ANKS1B: variants seen among roughly 807,000 people sequenced by gnomAD.
ANKS1B encodes ankyrin repeat and sterile alpha motif domain containing 1B.
Under a neutral mutation model 148.3 loss-of-function variants are expected in ANKS1B, and 36 were observed. That is an observed-to-expected ratio of 0.24 (90% CI 0.19 to 0.32). The LOEUF (loss-of-function observed/expected upper bound fraction) is 0.32, where lower values mean the gene tolerates loss of function less well. Ranked by LOEUF, ANKS1B falls within the 10% of genes least tolerant of loss-of-function variation. The pLI is 1.00. For missense variants in ANKS1B, 1,157 were observed against 1,542.6 expected (o/e 0.75, Z 4.19); for synonymous variants, 542 against 560.8 (o/e 0.97, Z 0.47).
At chr12:99,671,832 T>G (rs1234207940) in intron 8 of ANKS1B, among the ~76,000 whole-genome samples, 1 of 152,172 alleles carries the variant, frequency 6.6e-6, no homozygotes, top group African/African-American at 2.4e-5. Flanking sequence ...ATGCTTCTTT[T>G]GTATGCTCAA....
intron 1 of ANKS1B, among the ~76,000 whole-genome samples, chr12:99,940,531 C>A (rs1406884527): frequency 6.6e-6 from 1 of 152,088 alleles, no homozygotes; most frequent in African/African-American, 2.4e-5. Flanking sequence ...CTCTCCCCTG[C>A]TAATACCTGA....
chr12:99,306,571 T>C lies in ANKS1B; in HGVS notation c.1757-59707A>G, dbSNP rs74494697. Among the ~76,000 whole-genome samples the C allele has an allele frequency of 4.4e-3, 671 of 152,212 alleles. 6 individuals carry two copies. The highest frequency in any genetic ancestry group is 0.015 in the African/African-American group (625 of 41,562). The stretch of plus-strand genomic sequence containing the variant: ...TTTACATGACAGATGGTTTCTAGAT[T>C]ATCCAGGTTTTTATCAACTGGATGC... On this transcript the variant is annotated intron_variant, in intron 12 of 26. Coordinates refer to ENST00000683438, the MANE Select transcript of ANKS1B (RefSeq NM_001352186.2).
chr12:99,683,266 A>G (rs1012026269), intron 8 of ANKS1B, among the ~76,000 whole-genome samples: 2 of 152,170 alleles, frequency 1.3e-5, no homozygotes, highest in African/African-American at 4.8e-5. Flanking sequence ...AGAATATCCA[A>G]ATAAGCTCAA....
At chr12:98,791,330 C>CAAAAAA (rs557408637) in intron 22 of ANKS1B, among the ~76,000 whole-genome samples, 1 of 118,240 alleles carries the variant, frequency 8.5e-6, no homozygotes. Context: ...GGGAGACAGT[C>CAAAAAA]AAAAAAAAAA....
chr12:98,837,974 TAA>T (rs1451477576), intron 17 of ANKS1B, among the ~76,000 whole-genome samples: 1 of 152,148 alleles, frequency 6.6e-6, no homozygotes, highest in Non-Finnish European at 1.5e-5. Context: ...AAACTATATC[TAA>T]ATAGATATAT....
chr12:99,453,496 C>T (rs2095793651), intron 10 of ANKS1B, among the ~76,000 whole-genome samples: 2 of 152,064 alleles, frequency 1.3e-5, no homozygotes, highest in Non-Finnish European at 2.9e-5. Context: ...TTTCAACAGC[C>T]CACCAGAAAC....
intron 8 of ANKS1B, among the ~76,000 whole-genome samples, chr12:99,714,856 T>C (rs2057091930): frequency 6.6e-6 from 1 of 151,944 alleles, no homozygotes; most frequent in African/African-American, 2.4e-5. Flanking sequence ...GCAGTGGTTC[T>C]ACCTGTAATC....
chr12:98,848,596 T>C (rs2153747306), intron 17 of ANKS1B, among the ~76,000 whole-genome samples: 1 of 151,306 alleles, frequency 6.6e-6, no homozygotes, highest in Non-Finnish European at 1.5e-5. Context: ...TCTCGCTCTG[T>C]CGCCCAGGCT....
At chr12:99,705,034 G>GA (rs1331458043) in intron 8 of ANKS1B, among the ~76,000 whole-genome samples, 1 of 151,982 alleles carries the variant, frequency 6.6e-6, no homozygotes, top group East Asian at 1.9e-4. Context: ...GCTAGCCATA[G>GA]AAAAAACTAA....
At chr12:99,022,521 T>C (rs1018576086) in intron 17 of ANKS1B, among the ~76,000 whole-genome samples, 1 of 152,192 alleles carries the variant, frequency 6.6e-6, no homozygotes, top group Non-Finnish European at 1.5e-5. Context: ...ACTGTTTATT[T>C]CCCAGGAGTT....
At chr12:99,671,309 T>A (rs984274589) in intron 8 of ANKS1B, among the ~76,000 whole-genome samples, 1 of 152,168 alleles carries the variant, frequency 6.6e-6, no homozygotes, top group African/African-American at 2.4e-5. Flanking sequence ...ATGCTTTCAG[T>A]GCTGATGTTT....
chr12:98,796,141 T>C (rs563365044), intron 22 of ANKS1B, among the ~76,000 whole-genome samples: 2 of 152,322 alleles, frequency 1.3e-5, no homozygotes, highest in South Asian at 2.1e-4. Context: ...CTCCACTGGA[T>C]TGTGAACTCG....
Position 99,719,831 on chromosome 12 carries a change from G to A in ANKS1B, c.1128+53091C>T, listed in dbSNP as rs75479863. 2.7e-3 allele frequency among the ~76,000 whole-genome samples: 407 copies of A among 152,200 alleles called. 6 individuals are homozygous for A. Among genetic ancestry groups the A allele is most frequent in the African/African-American group, 9.4e-3 (392 of 41,514 alleles). On this transcript the variant is annotated intron_variant, in intron 8 of 26. Coordinates refer to ENST00000683438, the MANE Select transcript of ANKS1B (RefSeq NM_001352186.2). The stretch of plus-strand genomic sequence containing the variant: ...CCATCAAAGGGCATCAGATCCCATC[G>A]CTCAGGACAATGCTCATACTGATAA...
At chr12:99,254,938 T>C (rs536762122) in intron 12 of ANKS1B, among the ~76,000 whole-genome samples, 1 of 152,320 alleles carries the variant, frequency 6.6e-6, no homozygotes, top group South Asian at 2.1e-4. Flanking sequence ...GATCTTTCCA[T>C]CTATGTTCAT....
At chr12:99,347,848 A>G (rs776028271) in intron 12 of ANKS1B, among the ~76,000 whole-genome samples, 2 of 152,022 alleles carry the variant, frequency 1.3e-5, no homozygotes, top group African/African-American at 2.4e-5. Context: ...AAAAAAAGAA[A>G]TGAATGTGAA....
intron 15 of ANKS1B, among the ~76,000 whole-genome samples, chr12:99,149,420 A>G (rs2074229711): frequency 6.6e-6 from 1 of 152,138 alleles, no homozygotes; most frequent in African/African-American, 2.4e-5. Context: ...CCCTTTATGA[A>G]TGCTATCCAC....
chr12:98,914,028 G>A (rs932109188), intron 17 of ANKS1B, among the ~76,000 whole-genome samples: 1 of 152,102 alleles, frequency 6.6e-6, no homozygotes, highest in Non-Finnish European at 1.5e-5. Flanking sequence ...TATGTGATAT[G>A]GTTTGGATAT....
At chr12:99,757,245 A>G (rs1182863018) in intron 8 of ANKS1B, among the ~76,000 whole-genome samples, 1 of 151,802 alleles carries the variant, frequency 6.6e-6, no homozygotes, top group Admixed American at 6.6e-5. Flanking sequence ...ACTTAAACAA[A>G]TTTACAAGAA....
intron 11 of ANKS1B, among the ~76,000 whole-genome samples, chr12:99,413,599 T>C (rs1472326679): frequency 6.6e-6 from 1 of 152,232 alleles, no homozygotes; most frequent in African/African-American, 2.4e-5. Flanking sequence ...CATTAAACTC[T>C]TACAGTCACT....
Sources: allele counts gnomAD v4.1 joint callset (sites outside exome capture counted in the v4.1 genomes callset), GRCh38; gene constraint gnomAD v4.1.1; transcripts MANE v1.5; gene names NCBI Gene and HGNC (gene_info 2026-07-23, HGNC 2026-07-21).